Variants in CDH12 observed in about 807,000 individuals in gnomAD.
CDH12 encodes cadherin 12.
CDH12 carries 41 observed loss-of-function variants against 74.1 expected under a neutral mutation model. The ratio of observed to expected loss-of-function variants is 0.55; its 90% CI spans 0.43 to 0.72. CDH12 has a LOEUF of 0.72. CDH12 is among the 30% of genes least tolerant of loss of function. The pLI, the probability that CDH12 is intolerant of heterozygous loss-of-function variation, is 0.00. For missense variants in CDH12, 945 were observed against 977.2 expected (o/e 0.97, Z 0.44); for synonymous variants, 399 against 355.0 (o/e 1.12, Z -1.39).
Position 22,475,389 on chromosome 5 carries a change from C to T in CDH12, c.-428+29881G>A, listed in dbSNP as rs972495888. 2.0e-5 allele frequency among the ~76,000 whole-genome samples: 3 copies of T among 151,770 alleles called. No individual in the cohort carries two copies. In the South Asian group the frequency reaches 6.3e-4, roughly 32 times the overall value. On this transcript the variant is annotated intron_variant, in intron 2 of 14. Transcript: ENST00000382254. ...TTAATAGGAAATGATTTAATATACC[C>T]TTTCTGGGTCTGTAATTTATATTTT...
intron 3 of CDH12, among the ~76,000 whole-genome samples, chr5:22,309,631 A>G (rs1179551183): frequency 6.6e-6 from 1 of 152,076 alleles, no homozygotes; most frequent in Non-Finnish European, 1.5e-5. Context: ...TCTCTTAGCT[A>G]ATTTCCATTA....
At chr5:22,032,293 T>A (rs1477621074) in intron 5 of CDH12, among the ~76,000 whole-genome samples, 1 of 152,224 alleles carries the variant, frequency 6.6e-6, no homozygotes, top group Admixed American at 6.5e-5. Flanking sequence ...AAGGATGGTA[T>A]TACTACAGCA....
chr5:22,645,108 G>T (rs933724281), intron 1 of CDH12, among the ~76,000 whole-genome samples: 1 of 152,030 alleles, frequency 6.6e-6, no homozygotes, highest in African/African-American at 2.4e-5. Flanking sequence ...TCACTTTCAA[G>T]TAGTATTATT....
At chr5:21,799,479 T>G (rs189636248) in intron 10 of CDH12, among the ~76,000 whole-genome samples, 149 of 152,256 alleles carry the variant, frequency 9.8e-4, no homozygotes, top group African/African-American at 3.4e-3. Context: ...GATAGATTGA[T>G]TACTTAATAA....
intron 4 of CDH12, among the ~76,000 whole-genome samples, chr5:22,142,095 T>C (rs954412083): frequency 6.6e-6 from 1 of 152,164 alleles, no homozygotes; most frequent in African/African-American, 2.4e-5. Context: ...GCAGTGAATC[T>C]GGGTTAAGGC....
intron 1 of CDH12, among the ~76,000 whole-genome samples, chr5:22,684,651 A>G (rs926572086): frequency 4.6e-5 from 7 of 152,220 alleles, no homozygotes; most frequent in Non-Finnish European, 7.3e-5. Flanking sequence ...AGAAATGTCA[A>G]TGCATTTTGT....
chr5:22,094,796 A>G (rs1347136122), intron 4 of CDH12, among the ~76,000 whole-genome samples: 1 of 152,086 alleles, frequency 6.6e-6, no homozygotes, highest in Admixed American at 6.5e-5. Flanking sequence ...TGATGACATT[A>G]TCTTGTGAAA....
At chr5:21,962,448 C>T (rs1453278285) in intron 6 of CDH12, among the ~76,000 whole-genome samples, 1 of 152,104 alleles carries the variant, frequency 6.6e-6, no homozygotes, top group African/African-American at 2.4e-5. Flanking sequence ...TTTGTTCTAT[C>T]ATTGTGACAA....
intron 4 of CDH12, among the ~76,000 whole-genome samples, chr5:22,191,764 C>T (rs1750318187): frequency 6.6e-6 from 1 of 151,454 alleles, no homozygotes; most frequent in Admixed American, 6.6e-5. Flanking sequence ...CGGGGTTTCA[C>T]CGTTTTAGCC....
chr5:22,313,634 A>T (rs1738483313), intron 3 of CDH12, among the ~76,000 whole-genome samples: 1 of 152,214 alleles, frequency 6.6e-6, no homozygotes, highest in Admixed American at 6.5e-5. Context: ...ACACAGTGGA[A>T]CACTAGGCAG....
intron 4 of CDH12, among the ~76,000 whole-genome samples, chr5:22,193,012 T>C (rs1000956459): frequency 7.2e-5 from 11 of 152,030 alleles, no homozygotes; most frequent in African/African-American, 2.7e-4. Flanking sequence ...TTTGTGATAC[T>C]GGAATGGAGT....
chr5:22,733,010 A>AT (rs1344280595), intron 1 of CDH12, among the ~76,000 whole-genome samples: 2 of 151,964 alleles, frequency 1.3e-5, no homozygotes, highest in African/African-American at 4.8e-5. Flanking sequence ...TGATGAGCAA[A>AT]TCATCTGAAA....
intron 5 of CDH12, among the ~76,000 whole-genome samples, chr5:21,981,857 A>T (rs1044546571): frequency 3.3e-5 from 5 of 152,084 alleles, no homozygotes; most frequent in Non-Finnish European, 7.4e-5. Context: ...TTTTATTTGT[A>T]GAGATGAGGT....
At chr5:22,093,436 A>T (rs1481890239) in intron 4 of CDH12, among the ~76,000 whole-genome samples, 2 of 152,210 alleles carry the variant, frequency 1.3e-5, no homozygotes, top group African/African-American at 2.4e-5. Flanking sequence ...ATTACATGGC[A>T]ATGAAAAGGG....
intron 3 of CDH12, among the ~76,000 whole-genome samples, chr5:22,317,213 G>A (rs1021115186): frequency 6.6e-6 from 1 of 152,024 alleles, no homozygotes; most frequent in Non-Finnish European, 1.5e-5. Flanking sequence ...AGCTACTCGG[G>A]AGGCTGACAC....
At chr5:22,506,031 T>C (rs1736375103) in intron 1 of CDH12, among the ~76,000 whole-genome samples, 1 of 152,140 alleles carries the variant, frequency 6.6e-6, no homozygotes, top group Non-Finnish European at 1.5e-5. Flanking sequence ...GGAGTCCTTA[T>C]TGCTGTTGAT....
At chr5:22,418,983 T>G (rs943424522) in intron 2 of CDH12, among the ~76,000 whole-genome samples, 2 of 152,150 alleles carry the variant, frequency 1.3e-5, no homozygotes, top group Non-Finnish European at 2.9e-5. Context: ...TGAAGGGGTG[T>G]TGAAGTTTGT....
At chr5:22,091,076 TA>T (rs1282516067) in intron 4 of CDH12, among the ~76,000 whole-genome samples, 1 of 151,592 alleles carries the variant, frequency 6.6e-6, no homozygotes, top group Non-Finnish European at 1.5e-5. Context: ...GAGGTTTTAT[TA>T]GGCAAATTAG....
At chr5:22,148,630 T>G (rs1416370024) in intron 4 of CDH12, among the ~76,000 whole-genome samples, 4 of 152,180 alleles carry the variant, frequency 2.6e-5, no homozygotes, top group African/African-American at 9.6e-5. Context: ...AGTTGGTTCC[T>G]TCTGGAGCCT....
Sources: allele counts gnomAD v4.1 joint callset (sites outside exome capture counted in the v4.1 genomes callset), GRCh38; gene constraint gnomAD v4.1.1; transcripts MANE v1.5; gene names NCBI Gene and HGNC (gene_info 2026-07-23, HGNC 2026-07-21).